The following ZNF536 variants were observed in gnomAD, a reference collection of about 807,000 sequenced individuals.
The protein encoded by ZNF536 is zinc finger protein 536.
ZNF536 carries 13 observed loss-of-function variants against 84.5 expected under a neutral mutation model. That is an observed-to-expected ratio of 0.15 (90% CI 0.10 to 0.24). The LOEUF is 0.24. Ranked by LOEUF, ZNF536 falls within the 10% of genes least tolerant of loss-of-function variation. The pLI is 1.00. For synonymous variants in ZNF536, 811 were observed against 742.5 expected (o/e 1.09, Z -1.50); for missense variants, 1,536 against 1,747.5 (o/e 0.88, Z 2.16).
chr19:30,327,475 A>G (rs1317558656), intron 2 of ZNF536, among the ~76,000 whole-genome samples: 1 of 152,202 alleles, frequency 6.6e-6, no homozygotes, highest in Admixed American at 6.5e-5. Flanking sequence ...ATCTCCACAT[A>G]AGACTTCAAT....
chr19:30,357,897 C>T (rs188296685), intron 3 of ZNF536, among the ~76,000 whole-genome samples: 5 of 152,282 alleles, frequency 3.3e-5, no homozygotes, highest in African/African-American at 1.2e-4. Context: ...CTTCCTTGTA[C>T]AGACTCTGCT....
intron 1 of ZNF536, among the ~76,000 whole-genome samples, chr19:30,622,261 T>C (rs961078743): frequency 3.3e-5 from 5 of 152,246 alleles, no homozygotes; most frequent in African/African-American, 1.2e-4. Flanking sequence ...ATAATGTAGA[T>C]TTAAATGGTG....
At chr19:30,516,338 G>A (rs889250754) in intron 2 of ZNF536, among the ~76,000 whole-genome samples, 7 of 152,170 alleles carry the variant, frequency 4.6e-5, no homozygotes, top group Non-Finnish European at 7.4e-5. Context: ...GTGTCTCCAC[G>A]GCACTGAACC....
At chr19:30,605,270 T>C (rs1384766420) in intron 1 of ZNF536, among the ~76,000 whole-genome samples, 3 of 152,142 alleles carry the variant, frequency 2.0e-5, no homozygotes, top group Non-Finnish European at 4.4e-5. Context: ...TCTGAGATTC[T>C]AGTGCACCCA....
intron 1 of ZNF536, among the ~76,000 whole-genome samples, chr19:30,649,251 C>T (rs1390903172): frequency 3.9e-5 from 6 of 152,186 alleles, no homozygotes; most frequent in Non-Finnish European, 7.3e-5. Flanking sequence ...GACATTCTGT[C>T]ATTTAATAGA....
exon 2 of ZNF536, chr19:30,712,152 T>TA (rs2052472279): frequency 6.6e-6 from 1 of 152,240 alleles, no homozygotes; most frequent in Admixed American, 6.5e-5. Context: ...TCTATATTTT[T>TA]GTAGATTTTA....
At chr19:30,403,735 A>G (rs1476338133) in intron 1 of ZNF536, among the ~76,000 whole-genome samples, 1 of 152,182 alleles carries the variant, frequency 6.6e-6, no homozygotes, top group Non-Finnish European at 1.5e-5. Flanking sequence ...TTATTGCCAG[A>G]GTCTCCAAGT....
rs777969675 is a variant in ZNF536, at chr19:30,548,345, G to A, written c.2726G>A (p.Ser909Asn). ...EIGRAYQSIV[S>N]NGVNFQGSLQ... ...GGAAGAGCTTATCAAAGCATTGTGA[G>A]CAACGGTGTGAATTTCCAAGGGTCC... Residue 909 changes from serine to asparagine, a missense_variant, in exon 4 of 5, where the codon AGC becomes AAC. By Grantham distance (46) the Ser-to-Asn change is conservative (BLOSUM62 1). Transcript: ENST00000355537. 6 of 1,614,086 alleles carry A rather than the reference G, an allele frequency of 3.7e-6. No homozygotes were observed. The South Asian group carries it at 4.4e-5, about 12-fold the overall frequency.
At chr19:30,385,652 G>A (rs1248355290) in intron 1 of ZNF536, among the ~76,000 whole-genome samples, 3 of 152,142 alleles carry the variant, frequency 2.0e-5, no homozygotes, top group African/African-American at 7.2e-5. Context: ...ATCTCCCAGG[G>A]AATGGGCAGG....
chr19:30,411,342 A>T (rs2050487281), intron 1 of ZNF536, among the ~76,000 whole-genome samples: 1 of 152,126 alleles, frequency 6.6e-6, no homozygotes, highest in South Asian at 2.1e-4. Flanking sequence ...TTGCAATCTG[A>T]TGCACCAAAA....
At chr19:30,276,435 C>A (rs546340949) in intron 1 of ZNF536, among the ~76,000 whole-genome samples, 2 of 152,246 alleles carry the variant, frequency 1.3e-5, no homozygotes, top group South Asian at 2.1e-4. Context: ...CTAATTATTA[C>A]TCCAGTGTAA....
intron 1 of ZNF536, among the ~76,000 whole-genome samples, chr19:30,599,181 G>A (rs1308011227): frequency 1.4e-5 from 1 of 70,104 alleles, no homozygotes. Flanking sequence ...CCTCCTCTCT[G>A]TCTCGTTTCC....
chr19:30,279,018 G>C (rs997699384), intron 1 of ZNF536, among the ~76,000 whole-genome samples: 1 of 152,130 alleles, frequency 6.6e-6, no homozygotes, highest in Non-Finnish European at 1.5e-5. Context: ...ATGTCTCAGC[G>C]CTCCTTGAAT....
chr19:30,327,873 A>T (rs1290571895), intron 2 of ZNF536, among the ~76,000 whole-genome samples: 1 of 152,152 alleles, frequency 6.6e-6, no homozygotes, highest in African/African-American at 2.4e-5. Context: ...AACGATGATG[A>T]CTTTTAAGGT....
intron 1 of ZNF536, among the ~76,000 whole-genome samples, chr19:30,395,971 T>C (rs765097008): frequency 6.6e-5 from 10 of 152,180 alleles, no homozygotes; most frequent in Admixed American, 4.6e-4. Context: ...ATGAACTACA[T>C]TGACACGTCA....
chr19:30,407,403 G>T (rs1003788954), intron 1 of ZNF536, among the ~76,000 whole-genome samples: 6 of 152,064 alleles, frequency 3.9e-5, no homozygotes, highest in Admixed American at 3.9e-4. Context: ...CAAATGTCAG[G>T]GTGGGGGGCT....
chr19:30,429,128 G>A (rs1280570446), intron 1 of ZNF536, among the ~76,000 whole-genome samples: 1 of 152,194 alleles, frequency 6.6e-6, no homozygotes, highest in East Asian at 1.9e-4. Flanking sequence ...TGTAGTGGTG[G>A]GGAGGCCGTT....
intron 1 of ZNF536, among the ~76,000 whole-genome samples, chr19:30,593,376 C>T (rs1009379291): frequency 3.9e-5 from 6 of 152,052 alleles, no homozygotes; most frequent in Non-Finnish European, 5.9e-5. Flanking sequence ...ATAAATTGCC[C>T]GATTTTTCAG....
At chr19:30,497,037 G>A (rs191757629) in intron 2 of ZNF536, among the ~76,000 whole-genome samples, 4 of 152,240 alleles carry the variant, frequency 2.6e-5, no homozygotes, top group South Asian at 2.1e-4. Flanking sequence ...AGATGATTAT[G>A]GGCCAAACAG....
Sources: gnomAD v4.1 joint callset for allele counts (sites outside exome capture counted in the v4.1 genomes callset) on GRCh38, gnomAD v4.1.1 for gene constraint, MANE v1.5 for transcripts, NCBI Gene and HGNC (gene_info 2026-07-23, HGNC 2026-07-21) for gene names.